SLC35F1: variants seen among roughly 807,000 people sequenced by gnomAD.
The protein encoded by SLC35F1 is solute carrier family 35 member F1, also known as chromosome 6 open reading frame 169.
Under a neutral mutation model 48.7 loss-of-function variants are expected in SLC35F1, and 14 were observed. The observed-to-expected ratio is 0.29, with a 90% confidence interval of 0.19 to 0.45. The LOEUF is 0.45. Among genes scored for constraint, SLC35F1 ranks in the 20% least tolerant of loss-of-function variants. SLC35F1 has a pLI of 1.00. For synonymous variants in SLC35F1, 190 were observed against 202.2 expected, an observed-to-expected ratio of 0.94 and a Z score of 0.51; for missense variants, 404 against 500.0, an observed-to-expected ratio of 0.81 and a Z score of 1.83.
At chr6:118,131,333 C>T (rs1334492529) in intron 1 of SLC35F1, among the ~76,000 whole-genome samples, 1 of 152,032 alleles carries the variant, frequency 6.6e-6, no homozygotes, top group East Asian at 1.9e-4. Flanking sequence ...GTTTTTTGCT[C>T]AGCATTATAC....
chr6:118,297,622 T>TTATATATA (rs1260418816), intron 7 of SLC35F1, among the ~76,000 whole-genome samples: 11 of 96,928 alleles, frequency 1.1e-4, no homozygotes, highest in African/African-American at 4.5e-4. Flanking sequence ...TTCTCAGAAC[T>TTATATATA]TATATATATA....
chr6:117,941,345 G>T (rs1776230356), intron 1 of SLC35F1, among the ~76,000 whole-genome samples: 1 of 152,142 alleles, frequency 6.6e-6, no homozygotes, highest in African/African-American at 2.4e-5. Context: ...AGAAGGAAAT[G>T]AGTCCTTCCA....
intron 1 of SLC35F1, among the ~76,000 whole-genome samples, chr6:118,112,955 C>A (rs1441708116): frequency 6.6e-6 from 1 of 151,884 alleles, no homozygotes. Flanking sequence ...AAAACTAGTC[C>A]CATCTACAAG....
intron 3 of SLC35F1, among the ~76,000 whole-genome samples, chr6:118,259,781 A>G (rs1229355946): frequency 1.3e-5 from 2 of 152,114 alleles, no homozygotes; most frequent in Admixed American, 1.3e-4. Flanking sequence ...ATGTGATTGC[A>G]GAATGGAATG....
intron 7 of SLC35F1, among the ~76,000 whole-genome samples, chr6:118,286,400 T>C (rs907760184): frequency 6.6e-6 from 1 of 152,118 alleles, no homozygotes; most frequent in Non-Finnish European, 1.5e-5. Context: ...AGCATGTACT[T>C]GATATGATCA....
At chr6:118,159,233 A>G (rs1420542324) in intron 2 of SLC35F1, among the ~76,000 whole-genome samples, 1 of 150,148 alleles carries the variant, frequency 6.7e-6, no homozygotes, top group Non-Finnish European at 1.5e-5. Context: ...AAAAAAAAAA[A>G]AAAAAAAAAA....
intron 3 of SLC35F1, among the ~76,000 whole-genome samples, chr6:118,253,068 A>G (rs2114605449): frequency 6.6e-6 from 1 of 152,266 alleles, no homozygotes; most frequent in East Asian, 1.9e-4. Flanking sequence ...TCCAGATTTG[A>G]GAGGTACTTT....
chr6:118,136,612 T>C (rs1773801152), intron 1 of SLC35F1, among the ~76,000 whole-genome samples: 1 of 152,192 alleles, frequency 6.6e-6, no homozygotes, highest in Non-Finnish European at 1.5e-5. Context: ...TCTTAAAGTC[T>C]TCCAAAGCAG....
intron 7 of SLC35F1, among the ~76,000 whole-genome samples, chr6:118,309,110 A>G (rs2114669484): frequency 6.6e-6 from 1 of 152,170 alleles, no homozygotes; most frequent in African/African-American, 2.4e-5. Flanking sequence ...ACAAGCATTC[A>G]TTATACGAAT....
chr6:118,268,924 C>T (rs1187433548), intron 4 of SLC35F1, among the ~76,000 whole-genome samples: 1 of 152,138 alleles, frequency 6.6e-6, no homozygotes, highest in Admixed American at 6.5e-5. Context: ...GTTGTAATTT[C>T]ATTACACTTT....
chr6:118,204,648 T>C (rs1203712134), intron 2 of SLC35F1, among the ~76,000 whole-genome samples: 3 of 152,198 alleles, frequency 2.0e-5, no homozygotes, highest in Non-Finnish European at 4.4e-5. Flanking sequence ...TTTTCTTTCT[T>C]TCTCTTTTGA....
intron 1 of SLC35F1, among the ~76,000 whole-genome samples, chr6:118,086,502 C>G (rs1399294763): frequency 6.6e-6 from 1 of 152,206 alleles, no homozygotes; most frequent in Admixed American, 6.5e-5. Context: ...CTTAGCAAGA[C>G]TCATTCCTGG....
At chr6:118,021,432 C>T (rs1777392243) in intron 1 of SLC35F1, among the ~76,000 whole-genome samples, 1 of 152,144 alleles carries the variant, frequency 6.6e-6, no homozygotes, top group Non-Finnish European at 1.5e-5. Flanking sequence ...ATGCATGTCC[C>T]TATGGCCTTC....
intron 1 of SLC35F1, among the ~76,000 whole-genome samples, chr6:118,066,961 A>G (rs1368366479): frequency 6.6e-6 from 1 of 152,136 alleles, no homozygotes; most frequent in Non-Finnish European, 1.5e-5. Context: ...AGGAATTTTT[A>G]CAAGCACCAT....
At chr6:118,131,967 A>G (rs1019312783) in intron 1 of SLC35F1, among the ~76,000 whole-genome samples, 1 of 152,112 alleles carries the variant, frequency 6.6e-6, no homozygotes, top group Non-Finnish European at 1.5e-5. Context: ...TTGCTGAGAA[A>G]ATCCTGTAAA....
At position 117,970,983 on chromosome 6, in the gene SLC35F1, A is replaced by G. The variant is rs186063482; in HGVS notation, c.173+63084A>G. On this transcript the variant is annotated intron_variant, in intron 1 of 7. Coordinates refer to ENST00000360388, the MANE Select transcript of SLC35F1 (RefSeq NM_001029858.4). ...TTCAGAACACAACCATGCCTTCTCA[A>G]TAGTCTCCCAAAGTATTAACTTATT... 9.5e-4 allele frequency among the ~76,000 whole-genome samples: 145 copies of G among 152,288 alleles called. 1 individual carries two copies. Among genetic ancestry groups the G allele is most frequent in the African/African-American group, 3.4e-3 (140 of 41,564 alleles).
At chr6:118,053,081 A>C (rs1324657691) in intron 1 of SLC35F1, among the ~76,000 whole-genome samples, 1 of 151,402 alleles carries the variant, frequency 6.6e-6, no homozygotes, top group African/African-American at 2.4e-5. Context: ...CTCATTTTGA[A>C]AAAAAAAAAT....
At chr6:118,295,529 G>A (rs890051548) in intron 7 of SLC35F1, among the ~76,000 whole-genome samples, 3 of 152,174 alleles carry the variant, frequency 2.0e-5, no homozygotes, top group African/African-American at 7.2e-5. Context: ...AGAATCCTGA[G>A]CCAAGCAACC....
intron 1 of SLC35F1, among the ~76,000 whole-genome samples, chr6:118,058,300 A>G (rs952294612): frequency 2.0e-5 from 3 of 152,014 alleles, no homozygotes; most frequent in Non-Finnish European, 4.4e-5. Context: ...CTCTGAACAT[A>G]CTCCATAAAC....
Sources: gnomAD v4.1 joint callset for allele counts (sites outside exome capture counted in the v4.1 genomes callset) on GRCh38, gnomAD v4.1.1 for gene constraint, MANE v1.5 for transcripts, NCBI Gene and HGNC (gene_info 2026-07-23, HGNC 2026-07-21) for gene names.